Variants in MACROD1 observed in about 807,000 individuals in gnomAD.
MACROD1 encodes mono-ADP ribosylhydrolase 1, also known as ADP-ribose glycohydrolase MACROD1.
Under a neutral mutation model 41.4 loss-of-function variants are expected in MACROD1, and 31 were observed. That is an observed-to-expected ratio of 0.75 (90% CI 0.56 to 1.01). The LOEUF is 1.01. MACROD1 is among the 50% of genes least tolerant of loss of function. The probability of loss-of-function intolerance (pLI) is 0.00; values close to 1 mark genes in which losing one functional copy is unlikely to be tolerated. For synonymous variants in MACROD1, 252 were observed against 203.4 expected, an observed-to-expected ratio of 1.24 and a Z score of -2.03; for missense variants, 473 against 460.0, an observed-to-expected ratio of 1.03 and a Z score of -0.26.
intron 3 of MACROD1, among the ~76,000 whole-genome samples, chr11:64,071,575 AGTTT>A (rs2134463274): frequency 1.3e-5 from 2 of 152,092 alleles, no homozygotes; most frequent in Non-Finnish European, 2.9e-5. Flanking sequence ...CTTGCCCCTT[AGTTT>A]CCTTCCCCAA....
chr11:64,155,865 T>G (rs1780838445), intron 1 of MACROD1, among the ~76,000 whole-genome samples: 1 of 151,552 alleles, frequency 6.6e-6, no homozygotes, highest in Admixed American at 6.6e-5. Flanking sequence ...TCCCAGCATT[T>G]TGGGAGGCCG....
intron 3 of MACROD1, among the ~76,000 whole-genome samples, chr11:64,020,277 C>T (rs1336589732): frequency 6.6e-6 from 1 of 152,066 alleles, no homozygotes; most frequent in Non-Finnish European, 1.5e-5. Flanking sequence ...GTCTGGAAGA[C>T]GTGTTTACAG....
At chr11:64,018,289 G>C (rs1943109032) in intron 3 of MACROD1, among the ~76,000 whole-genome samples, 1 of 152,178 alleles carries the variant, frequency 6.6e-6, no homozygotes, top group African/African-American at 2.4e-5. Flanking sequence ...CCACGGGTGG[G>C]GGGGCTCTGG....
intron 3 of MACROD1, among the ~76,000 whole-genome samples, chr11:64,121,839 G>A (rs563528800): frequency 8.5e-5 from 13 of 152,280 alleles, no homozygotes; most frequent in Admixed American, 5.9e-4. Context: ...GGCATTTAAG[G>A]CAGGTTTAAA....
intron 3 of MACROD1, among the ~76,000 whole-genome samples, chr11:64,085,609 C>T (rs866503135): frequency 5.3e-5 from 8 of 152,224 alleles, no homozygotes; most frequent in Admixed American, 2.6e-4. Flanking sequence ...GCCAGCACAG[C>T]GACAGCCTTG....
chr11:64,026,623 T>G (rs1943227268), intron 3 of MACROD1, among the ~76,000 whole-genome samples: 2 of 152,226 alleles, frequency 1.3e-5, no homozygotes, highest in East Asian at 3.8e-4. Flanking sequence ...GTCACTTCCC[T>G]GCTTAAAATT....
intron 5 of MACROD1, 101 bp from the exon 6 acceptor site, chr11:63,999,864 T>TC (rs1389585187): frequency 7.6e-7 from 1 of 1,323,118 alleles, no homozygotes; most frequent in Non-Finnish European, 1.0e-6. Flanking sequence ...GAAACACCTT[T>TC]CCCCCCAAGC....
At chr11:64,103,864 C>G (rs1311860090) in intron 3 of MACROD1, 2 of 152,306 alleles carry the variant, frequency 1.3e-5, no homozygotes, top group Admixed American at 1.3e-4. Flanking sequence ...CAGGGATAAG[C>G]CAGCTGCGCC....
chr11:64,143,384 C>T (rs942178994), intron 3 of MACROD1, among the ~76,000 whole-genome samples: 1 of 152,048 alleles, frequency 6.6e-6, no homozygotes, highest in Non-Finnish European at 1.5e-5. Flanking sequence ...CACGAGGCAA[C>T]GTGTGCAGCG....
At chr11:64,034,055 C>T (rs940519885) in intron 3 of MACROD1, among the ~76,000 whole-genome samples, 14 of 152,326 alleles carry the variant, frequency 9.2e-5, no homozygotes, top group East Asian at 3.9e-4. Flanking sequence ...TGAGTGCCCG[C>T]GCTCTGTGCC....
intron 3 of MACROD1, among the ~76,000 whole-genome samples, chr11:64,078,555 G>A (rs1944245783): frequency 6.6e-6 from 1 of 152,230 alleles, no homozygotes; most frequent in African/African-American, 2.4e-5. Context: ...GGTGGGCAGT[G>A]GTGTGAGCGC....
At chr11:64,163,363 G>T (rs182161652) in intron 1 of MACROD1, among the ~76,000 whole-genome samples, 6 of 152,296 alleles carry the variant, frequency 3.9e-5, no homozygotes, top group African/African-American at 1.2e-4. Flanking sequence ...TTTCTTTCAA[G>T]AGGTAGAGCC....
rs1299617868 is a variant in MACROD1, at chr11:64,120,941, A to T, written c.517+30298T>A. On this transcript the variant is annotated intron_variant, in intron 3 of 10. Coordinates refer to ENST00000255681, the MANE Select transcript of MACROD1 (RefSeq NM_014067.4). This position sits in a 1 kb window ranked among gnomAD's most constrained non-coding sequence, Gnocchi z 4.5. ...CCAGCACACTGTCCCCACCTCACCT[A>T]GGTCCCCCTGTCTCCTCTCCCCACC... Among the ~76,000 whole-genome samples, 1 of 151,946 alleles carries T rather than the reference A, an allele frequency of 6.6e-6. No homozygotes were observed. Among genetic ancestry groups the T allele is most frequent in the Non-Finnish European group, 1.5e-5 (1 of 67,946 alleles).
chr11:63,999,451 A>T, intron 7 of MACROD1, 47 bp from the exon 8 acceptor site: 2 of 1,557,178 alleles, frequency 1.3e-6, no homozygotes, highest in African/African-American at 2.7e-5. Context: ...GGCCCCGCCC[A>T]CTCCCCTGTC....
chr11:64,049,697 C>T (rs1943654594), intron 3 of MACROD1, among the ~76,000 whole-genome samples: 1 of 152,224 alleles, frequency 6.6e-6, no homozygotes, highest in Admixed American at 6.5e-5. Context: ...ATCTGCGGGG[C>T]AGGCTGCACA....
At chr11:64,059,849 T>C (rs1943863614) in intron 3 of MACROD1, among the ~76,000 whole-genome samples, 1 of 152,096 alleles carries the variant, frequency 6.6e-6, no homozygotes, top group Non-Finnish European at 1.5e-5. Flanking sequence ...TAGGCGCTGA[T>C]TGGTTGCTAC....
At chr11:64,001,644 G>A (rs2134319887) in intron 4 of MACROD1, 2 of 701,064 alleles carry the variant, frequency 2.9e-6, no homozygotes, top group East Asian at 2.7e-5. Flanking sequence ...GGGATGGGTG[G>A]GCAGAGAGGT....
intron 3 of MACROD1, among the ~76,000 whole-genome samples, chr11:64,072,576 C>G (rs1590869675): frequency 6.6e-6 from 1 of 152,374 alleles, no homozygotes; most frequent in South Asian, 2.1e-4. Context: ...TGACGTGTGG[C>G]CTTGGCCATG....
chr11:64,002,339 G>A (rs1327719222), intron 4 of MACROD1, among the ~76,000 whole-genome samples: 1 of 152,200 alleles, frequency 6.6e-6, no homozygotes, highest in Non-Finnish European at 1.5e-5. Flanking sequence ...TGTTTCCTGC[G>A]GAAGTGGACT....
Sources: allele counts gnomAD v4.1 joint callset (sites outside exome capture counted in the v4.1 genomes callset), GRCh38; gene constraint gnomAD v4.1.1; non-coding constraint Gnocchi (gnomAD v3.1); transcripts MANE v1.5; gene names NCBI Gene and HGNC (gene_info 2026-07-23, HGNC 2026-07-21).